IGFBP2: variants seen among roughly 807,000 people sequenced by gnomAD.
IGFBP2 encodes insulin-like growth factor-binding protein 2.
A neutral mutation model predicts 26.2 loss-of-function variants in IGFBP2; 12 were observed. The ratio of observed to expected loss-of-function variants is 0.46; its 90% CI spans 0.29 to 0.74. IGFBP2 has a LOEUF of 0.74. IGFBP2 is among the 30% of genes least tolerant of loss of function. The pLI, the probability that IGFBP2 is intolerant of heterozygous loss-of-function variation, is 0.09. For missense variants in IGFBP2, 328 were observed against 441.2 expected (o/e 0.74, Z 2.30); for synonymous variants, 189 against 200.6 (o/e 0.94, Z 0.49).
At chr2:216,659,470 C>G (rs372152089) in intron 1 of IGFBP2, 3 of 536,604 alleles carry the variant, frequency 5.6e-6, no homozygotes, top group African/African-American at 1.9e-5. Context: ...GGCTGTTTGC[C>G]GTGTCTCCAA....
chr2:216,646,576 A>T (rs1374180313), intron 1 of IGFBP2, among the ~76,000 whole-genome samples: 1 of 152,264 alleles, frequency 6.6e-6, no homozygotes, highest in Admixed American at 6.5e-5. Flanking sequence ...GACATACCCA[A>T]GACTGGGTAA....
intron 1 of IGFBP2, among the ~76,000 whole-genome samples, chr2:216,648,619 T>A (rs1697760577): frequency 6.6e-6 from 1 of 152,074 alleles, no homozygotes; most frequent in Admixed American, 6.6e-5. Flanking sequence ...TTTTTGTTTT[T>A]ATTTTTGAGA....
chr2:216,634,131 G>A (rs908294391), intron 1 of IGFBP2, among the ~76,000 whole-genome samples, 166 bp downstream of exon 1: 2 of 152,210 alleles, frequency 1.3e-5, no homozygotes, highest in Non-Finnish European at 2.9e-5. Flanking sequence ...CCCGGGGAGG[G>A]GAACTGGAGT....
intron 1 of IGFBP2, chr2:216,659,795 G>A (rs1046754972): frequency 2.7e-6 from 4 of 1,464,946 alleles, no homozygotes; most frequent in Non-Finnish European, 2.8e-6. Flanking sequence ...TGTTCTTGGG[G>A]CTCTCAGTAT....
chr2:216,652,193 G>A (rs997894049), intron 1 of IGFBP2, among the ~76,000 whole-genome samples: 3 of 139,968 alleles, frequency 2.1e-5, no homozygotes, highest in Admixed American at 7.2e-5. Flanking sequence ...TTTTTTTTGA[G>A]ACTGAGCTTT....
At chr2:216,662,604 C>T (rs1389323412) in intron 3 of IGFBP2, 1 of 153,568 alleles carries the variant, frequency 6.5e-6, no homozygotes, top group Non-Finnish European at 1.4e-5. Context: ...GCCCTTCTCC[C>T]TCCTCTATCC....
chr2:216,634,103 C>T (rs1484153074), intron 1 of IGFBP2, 138 bp downstream of exon 1: 12 of 1,333,826 alleles, frequency 9.0e-6, no homozygotes, highest in South Asian at 4.9e-5. Flanking sequence ...CTGTTGCTAG[C>T]GGGACGCGGA....
At chr2:216,646,377 C>T (rs9341145) in intron 1 of IGFBP2, among the ~76,000 whole-genome samples, 11,015 of 152,268 alleles carry the variant, frequency 0.072, 609 homozygotes, top group East Asian at 0.25. Context: ...TCTCATGGTT[C>T]CACTTGCTCA....
rs1419712885 is a variant in IGFBP2, at chr2:216,633,887, C to A, written c.364C>A (p.Gln122Lys). The A allele has an allele frequency of 6.3e-7, 1 of 1,588,870 alleles. No homozygotes were observed. Among genetic ancestry groups the A allele is most frequent in the Non-Finnish European group, 8.5e-7 (1 of 1,170,240 alleles). Reference sequence around the variant, plus strand: ...CCACCCGGGCTCCGAGCTGCCCCTGCAGGCGCTGGTCATGGGCGAGGGCAC... The same window carrying A: ...CCACCCGGGCTCCGAGCTGCCCCTGAAGGCGCTGGTCATGGGCGAGGGCAC... Reference protein sequence around the residue: ...YPHPGSELPLQALVMGEGTCE... With the variant: ...YPHPGSELPLKALVMGEGTCE... Residue 122 changes from glutamine to lysine, a missense_variant, in exon 1 of 4, where the codon CAG (glutamine) becomes AAG (lysine). Coordinates refer to ENST00000233809, the MANE Select transcript of IGFBP2 (RefSeq NM_000597.3).
intron 1 of IGFBP2, among the ~76,000 whole-genome samples, chr2:216,637,248 C>G (rs532770800): frequency 1.9e-4 from 29 of 152,332 alleles, no homozygotes; most frequent in Non-Finnish European, 2.9e-4. Flanking sequence ...TGCTAAGCAG[C>G]GCTGCCTGAG....
intron 1 of IGFBP2, among the ~76,000 whole-genome samples, chr2:216,641,852 G>T (rs1333272392): frequency 6.6e-6 from 1 of 150,402 alleles, no homozygotes; most frequent in African/African-American, 2.5e-5. Flanking sequence ...ACCACGCCCG[G>T]CTAATTTTTT....
chr2:216,636,367 T>G (rs1697496043), intron 1 of IGFBP2, among the ~76,000 whole-genome samples: 1 of 152,144 alleles, frequency 6.6e-6, no homozygotes, highest in South Asian at 2.1e-4. Context: ...CCTCAGCAGT[T>G]CCGGCTTTGC....
chr2:216,660,655 C>T lies in IGFBP2; in HGVS notation c.541C>T (p.Leu181Phe), dbSNP rs533994053. The change falls in exon 2 of 4, where the codon CTC (leucine) becomes TTC (phenylalanine). Residue 181 changes from leucine to phenylalanine, a missense_variant. By Grantham distance (22) the Leu-to-Phe change is conservative. Coordinates refer to ENST00000233809, the MANE Select transcript of IGFBP2 (RefSeq NM_000597.3). ...GGGGSAGRKPLKSGMKELAVF... is the reference protein window; with the variant it reads ...GGGGSAGRKPFKSGMKELAVF... ...GGGAGGCAGTGCTGGCCGGAAGCCCCTCAAGTCGGGTATGAAGGAGCTGGC... is the reference window on the plus strand; with the variant it reads ...GGGAGGCAGTGCTGGCCGGAAGCCCTTCAAGTCGGGTATGAAGGAGCTGGC... 6 of 1,614,152 alleles carry T rather than the reference C, an allele frequency of 3.7e-6. No individual in the cohort carries two copies. In the South Asian group the frequency reaches 5.5e-5, roughly 15 times the overall value.
intron 3 of IGFBP2, chr2:216,662,881 G>C (rs1688685806): frequency 6.6e-6 from 1 of 152,104 alleles, no homozygotes; most frequent in African/African-American, 2.4e-5. Context: ...GGTTTACCAT[G>C]TTGGCCAGGC....
At chr2:216,659,515 T>C (rs1050579346) in intron 1 of IGFBP2, 9 of 590,988 alleles carry the variant, frequency 1.5e-5, no homozygotes, top group Non-Finnish European at 6.1e-6. Flanking sequence ...TGTGAGGCCC[T>C]GCCCTTCTGG....
rs1390276504 is a variant in IGFBP2, at chr2:216,633,569, C to CCGCTGCTGT, written c.54_55insTCGCTGCTG (p.Leu18_Pro19insSerLeuLeu). ...CCCCGCGCTGCCGCTGCCGCCGCCG[C>CCGCTGCTGT]CGCTGCTGCCGCTGCTGCTGCTGCT... On this transcript the variant is annotated inframe_insertion, in exon 1 of 4. Coordinates refer to ENST00000233809, the MANE Select transcript of IGFBP2 (RefSeq NM_000597.3). 1 of 1,009,356 alleles carries CCGCTGCTGT rather than the reference C, an allele frequency of 9.9e-7. No homozygotes were observed. Among genetic ancestry groups the CCGCTGCTGT allele is most frequent in the Non-Finnish European group, 1.2e-6 (1 of 847,632 alleles). The allele number at this position is 1,009,356 out of a possible 1,614,324, so 62.5% of individuals were successfully genotyped here. A position where few individuals can be genotyped will look rare whatever the true frequency, so the allele number is the denominator to read the frequency against.
In IGFBP2 at chr2:216,664,120, T is replaced by A. The variant is rs750010114; in HGVS notation, c.*16T>A. Reference sequence around the variant, plus strand: ...GATGCAGTAGACCGCAGCCAGCCGGTGCCTGGCGCCCCTGCCCCCCGCCCC... The same window carrying A: ...GATGCAGTAGACCGCAGCCAGCCGGAGCCTGGCGCCCCTGCCCCCCGCCCC... On this transcript the variant is annotated 3_prime_UTR_variant, in exon 4 of 4. Transcript: ENST00000233809. This position sits in a 1 kb window ranked among gnomAD's most constrained non-coding sequence, Gnocchi z 4.6. The A allele has an allele frequency of 6.4e-7, 1 of 1,565,064 alleles. No homozygotes were observed. The highest frequency in any genetic ancestry group is 1.8e-5 in the Admixed American group (1 of 55,102).
chr2:216,658,503 G>C (rs537797158), intron 1 of IGFBP2, among the ~76,000 whole-genome samples: 1 of 151,738 alleles, frequency 6.6e-6, no homozygotes, highest in South Asian at 2.1e-4. Flanking sequence ...CATGGATATA[G>C]AATTTCTGTG....
In IGFBP2 at chr2:216,661,369, G is replaced by T. The variant is rs943222006; in HGVS notation, c.673-489G>T. The T allele has an allele frequency of 2.1e-5, 6 of 280,424 alleles. No individual in the cohort carries two copies. The East Asian group carries it at 6.0e-4, about 28-fold the overall frequency. 17.4% of individuals were successfully genotyped at this position (280,424 alleles called of 1,614,324 possible). A position where few individuals can be genotyped will look rare whatever the true frequency, so the allele number is the denominator to read the frequency against. ...TCCTCCCACCTCGGCCTCCCGAAGC[G>T]CTGGGATTACAGGCGCCAGCCACTG... is the stretch of plus-strand genomic sequence containing the variant. On this transcript the variant is annotated intron_variant, in intron 2 of 3. Coordinates refer to ENST00000233809, the MANE Select transcript of IGFBP2 (RefSeq NM_000597.3).
Sources: allele counts gnomAD v4.1 joint callset (sites outside exome capture counted in the v4.1 genomes callset), GRCh38; gene constraint gnomAD v4.1.1; non-coding constraint Gnocchi (gnomAD v3.1); transcripts MANE v1.5; gene names NCBI Gene and HGNC (gene_info 2026-07-23, HGNC 2026-07-21).